Variants in B4GALT5 observed in about 807,000 individuals in gnomAD.
B4GALT5 encodes the protein beta-1,4-galactosyltransferase 5.
In B4GALT5, 11 loss-of-function variants were observed where a neutral mutation model predicts 45.0. That is an observed-to-expected ratio of 0.24 (90% CI 0.15 to 0.40). The LOEUF (loss-of-function observed/expected upper bound fraction) is 0.40, where lower values mean the gene tolerates loss of function less well. Ranked by LOEUF, B4GALT5 falls within the 10% of genes least tolerant of loss-of-function variation. The pLI is 1.00. For missense variants in B4GALT5, 337 were observed against 500.2 expected (o/e 0.67, Z 3.11); for synonymous variants, 185 against 182.9 (o/e 1.01, Z -0.09).
At chr20:49,639,546 T>C in intron 7 of B4GALT5, 132 bp downstream of exon 7, 3 of 1,371,206 alleles carry the variant, frequency 2.2e-6, no homozygotes, top group Non-Finnish European at 2.9e-6. Context: ...TTTTTTTCCT[T>C]AACCTTTTAA....
chr20:49,694,640 GGGAAAGGGAAAGGGAAAA>G (rs1352565257), intron 1 of B4GALT5, among the ~76,000 whole-genome samples: 3 of 140,734 alleles, frequency 2.1e-5, no homozygotes, highest in East Asian at 4.4e-4. Context: ...CTGCTGAGAA[GGGAAAGGGAAAGGGAAAA>G]GGAAAGGGAA....
chr20:49,666,224 G>A (rs2085689991), intron 1 of B4GALT5, among the ~76,000 whole-genome samples: 1 of 152,184 alleles, frequency 6.6e-6, no homozygotes, highest in African/African-American at 2.4e-5. Context: ...TTGGGAGCCT[G>A]AATCTTAGCA....
At chr20:49,682,573 C>T (rs1184074751) in intron 1 of B4GALT5, among the ~76,000 whole-genome samples, 1 of 152,160 alleles carries the variant, frequency 6.6e-6, no homozygotes, top group Non-Finnish European at 1.5e-5. Context: ...TGCTCGCACA[C>T]CTCCTGAATA....
Position 49,634,906 on chromosome 20 carries a change from G to C in B4GALT5, c.*1406C>G, listed in dbSNP as rs907072916. 6.6e-6 allele frequency: 1 copy of C among 152,238 alleles called. No homozygotes were observed. Among genetic ancestry groups the C allele is most frequent in the Non-Finnish European group, 1.5e-5 (1 of 68,100 alleles). 9.4% of individuals were successfully genotyped at this position (152,238 alleles called of 1,614,324 possible). The stretch of plus-strand genomic sequence containing the variant: ...AATAATATGACTTCAAAATGCAGGT[G>C]GGGGTGTGAGCAGTGCACCTGGGCT... On this transcript the variant is annotated 3_prime_UTR_variant, in exon 9 of 9. Transcript: ENST00000371711.
chr20:49,632,959 A>G lies in B4GALT5; in HGVS notation c.*3353T>C, dbSNP rs1323909886. 1 of 152,550 alleles carries G rather than the reference A, an allele frequency of 6.6e-6. No individual in the cohort carries two copies. The highest frequency in any genetic ancestry group is 2.1e-4 in the South Asian group (1 of 4,836). The allele number at this position is 152,550 out of a possible 1,614,324, so 9.4% of individuals were successfully genotyped here. On this transcript the variant is annotated 3_prime_UTR_variant, in exon 9 of 9. Coordinates refer to ENST00000371711, the MANE Select transcript of B4GALT5 (RefSeq NM_004776.4). ...GACCACCAAGGTTTGGTTCTTGAAT[A>G]TGTATTTTTTACTGAAAAAATCATT...
At chr20:49,642,427 C>A in intron 5 of B4GALT5, 41 bp downstream of exon 5, 1 of 1,465,558 alleles carries the variant, frequency 6.8e-7, no homozygotes, top group South Asian at 1.2e-5. Flanking sequence ...AAACTGCTGT[C>A]TCAGAAGAGA....
At chr20:49,683,144 T>C (rs963911767) in intron 1 of B4GALT5, among the ~76,000 whole-genome samples, 3 of 152,248 alleles carry the variant, frequency 2.0e-5, no homozygotes, top group Non-Finnish European at 4.4e-5. Flanking sequence ...TATGCTTATA[T>C]ACAACAAATA....
intron 2 of B4GALT5, 23 bp downstream of exon 2, chr20:49,656,545 C>A: frequency 2.5e-6 from 4 of 1,613,788 alleles, no homozygotes; most frequent in Non-Finnish European, 3.4e-6. Context: ...TCTAATCAGA[C>A]CACCTCTTTA....
At chr20:49,663,690 A>AAAAATATATAT (rs1555812124) in intron 1 of B4GALT5, among the ~76,000 whole-genome samples, 4 of 96,962 alleles carry the variant, frequency 4.1e-5, no homozygotes, top group African/African-American at 1.8e-4. Flanking sequence ...AAAAAAAAAA[A>AAAAATATATAT]ATATATACAT....
At chr20:49,686,675 C>T (rs1225100495) in intron 1 of B4GALT5, among the ~76,000 whole-genome samples, 2 of 141,630 alleles carry the variant, frequency 1.4e-5, no homozygotes, top group East Asian at 2.1e-4. Flanking sequence ...CCTCTTGAGG[C>T]CAAGGGTTCT....
chr20:49,673,629 A>G (rs2085724981), intron 1 of B4GALT5, among the ~76,000 whole-genome samples: 1 of 152,224 alleles, frequency 6.6e-6, no homozygotes, highest in African/African-American at 2.4e-5. Context: ...AGAAAGTATT[A>G]TGATCACTTC....
At chr20:49,681,206 AC>A (rs1345392235) in intron 1 of B4GALT5, among the ~76,000 whole-genome samples, 3 of 107,754 alleles carry the variant, frequency 2.8e-5, no homozygotes, top group African/African-American at 1.3e-4. Flanking sequence ...ACAGAGCAAG[AC>A]CCCATCTCTA....
At chr20:49,653,757 C>G (rs1031197354) in intron 2 of B4GALT5, among the ~76,000 whole-genome samples, 1 of 152,122 alleles carries the variant, frequency 6.6e-6, no homozygotes, top group African/African-American at 2.4e-5. Context: ...GAAATAAACA[C>G]GTTTAACAAA....
rs577531390 is a variant in B4GALT5 at position 49,687,216 on chromosome 20, G to A, written c.115+26360C>T. Among the ~76,000 whole-genome samples, 7 of 152,318 alleles carry A rather than the reference G, an allele frequency of 4.6e-5. No homozygotes were observed. In the East Asian group the frequency reaches 7.7e-4, roughly 17 times the overall value. On this transcript the variant is annotated intron_variant, in intron 1 of 8. Coordinates refer to ENST00000371711, the MANE Select transcript of B4GALT5 (RefSeq NM_004776.4). ...TCAACAACAAAGCAGCATGTCAACAGTGCCAAGGTTGAGAAACTCTGCCTT... is the reference window on the plus strand; with the variant it reads ...TCAACAACAAAGCAGCATGTCAACAATGCCAAGGTTGAGAAACTCTGCCTT...
intron 1 of B4GALT5, among the ~76,000 whole-genome samples, chr20:49,659,698 T>C (rs1328431192): frequency 6.6e-6 from 1 of 152,158 alleles, no homozygotes; most frequent in African/African-American, 2.4e-5. Context: ...TTCCCACTAC[T>C]GGGGAACTAT....
intron 1 of B4GALT5, among the ~76,000 whole-genome samples, chr20:49,699,198 T>C (rs2085851277): frequency 6.6e-6 from 1 of 152,062 alleles, no homozygotes; most frequent in African/African-American, 2.4e-5. Flanking sequence ...CAGTACTGAT[T>C]GCCTTATGTT....
At chr20:49,696,576 T>C (rs981283707) in intron 1 of B4GALT5, among the ~76,000 whole-genome samples, 4 of 152,170 alleles carry the variant, frequency 2.6e-5, no homozygotes, top group African/African-American at 7.2e-5. Flanking sequence ...AGCAAAGAGA[T>C]TGTAAAAGAT....
intron 1 of B4GALT5, among the ~76,000 whole-genome samples, chr20:49,697,313 G>A (rs1376808706): frequency 1.3e-5 from 2 of 152,262 alleles, no homozygotes; most frequent in African/African-American, 4.8e-5. Context: ...CGCCTTTGAG[G>A]GAGCACAGCC....
At chr20:49,659,303 A>G (rs748110163) in intron 1 of B4GALT5, among the ~76,000 whole-genome samples, 15 of 152,184 alleles carry the variant, frequency 9.9e-5, no homozygotes, top group Non-Finnish European at 1.9e-4. Flanking sequence ...CTGCTACAGC[A>G]AGGAGTCTAT....
Sources: gnomAD v4.1 joint callset for allele counts (sites outside exome capture counted in the v4.1 genomes callset) on GRCh38, gnomAD v4.1.1 for gene constraint, MANE v1.5 for transcripts, NCBI Gene and HGNC (gene_info 2026-07-23, HGNC 2026-07-21) for gene names.